Variants in NCK1 observed in about 807,000 individuals in gnomAD.
The protein encoded by NCK1 is NCK adaptor protein 1, also known as SH2/SH3 adapter protein NCK1.
NCK1 carries 19 observed loss-of-function variants against 36.6 expected under a neutral mutation model. The ratio of observed to expected loss-of-function variants is 0.52; its 90% CI spans 0.36 to 0.76. The LOEUF (loss-of-function observed/expected upper bound fraction) is 0.76, where lower values mean the gene tolerates loss of function less well. NCK1 is among the 30% of genes least tolerant of loss of function. The pLI, the probability that NCK1 is intolerant of heterozygous loss-of-function variation, is 0.00. For synonymous variants in NCK1, 165 were observed against 156.0 expected (o/e 1.06, Z -0.43); for missense variants, 358 against 445.6 (o/e 0.80, Z 1.77).
intron 2 of NCK1, among the ~76,000 whole-genome samples, chr3:136,935,704 A>T (rs1449295868): frequency 6.6e-6 from 1 of 152,202 alleles, no homozygotes; most frequent in South Asian, 2.1e-4. Flanking sequence ...ACTCTTAAAA[A>T]TTTTTTTATG....
chr3:136,893,785 G>A (rs1346493702), intron 1 of NCK1, among the ~76,000 whole-genome samples: 2 of 152,186 alleles, frequency 1.3e-5, no homozygotes, highest in African/African-American at 4.8e-5. Context: ...AGAAGGGTTA[G>A]TGATATAAGC....
At chr3:136,946,395 C>A in intron 3 of NCK1, 100 bp downstream of exon 3, 2 of 1,003,564 alleles carry the variant, frequency 2.0e-6, no homozygotes, top group Non-Finnish European at 2.9e-6. Context: ...TAAAGTTAAC[C>A]AGGTAACAAG....
rs976892855 is a variant in NCK1, at chr3:136,950,575, G to C, written c.*2122G>C. On this transcript the variant is annotated 3_prime_UTR_variant, in exon 4 of 4. Coordinates refer to ENST00000481752, the MANE Select transcript of NCK1 (RefSeq NM_001291999.2). ...AAGTCTTAATCCAATGCTTATACCA[G>C]TGACTGTTTTTATAATACTTGAAGT... 6.6e-6 allele frequency among the ~76,000 whole-genome samples: 1 copy of C among 152,136 alleles called. No homozygotes were observed. Among genetic ancestry groups the C allele is most frequent in the African/African-American group, 2.4e-5 (1 of 41,432 alleles).
chr3:136,945,664 G>T lies in NCK1; in HGVS notation c.308G>T (p.Arg103Leu). 6.2e-7 allele frequency: 1 copy of T among 1,614,100 alleles called. No homozygotes were observed. Among genetic ancestry groups the T allele is most frequent in the Non-Finnish European group, 8.5e-7 (1 of 1,179,982 alleles). Residue 103 changes from arginine to leucine, a missense_variant, in exon 3 of 4, where the codon CGT (arginine) becomes CTT (leucine). Arg to Leu is a moderately radical substitution (Grantham distance 102, BLOSUM62 -2). Around this residue, in one of 3 missense-constraint regions of NCK1, gnomAD observed 143 missense variants for 162.4 expected, o/e 0.88. Transcript: ENST00000481752. ...GATAGTTTTGTTGACCCAGGGGAAC[G>T]TCTCTATGACCTCAACATGCCCGCT... ...ADDSFVDPGERLYDLNMPAYV... is the reference protein window; with the variant it reads ...ADDSFVDPGELLYDLNMPAYV...
At chr3:136,932,879 G>A (rs2108135760) in intron 2 of NCK1, among the ~76,000 whole-genome samples, 1 of 152,266 alleles carries the variant, frequency 6.6e-6, no homozygotes, top group East Asian at 1.9e-4. Context: ...ACTTTCTTTG[G>A]CCCCATTCTC....
intron 2 of NCK1, among the ~76,000 whole-genome samples, chr3:136,933,484 T>C (rs1940445307): frequency 6.6e-6 from 1 of 152,198 alleles, no homozygotes; most frequent in South Asian, 2.1e-4. Flanking sequence ...AATGCATTGT[T>C]CTGGTTAAGA....
intron 1 of NCK1, among the ~76,000 whole-genome samples, chr3:136,906,632 C>T (rs1256555762): frequency 6.6e-6 from 1 of 152,096 alleles, no homozygotes; most frequent in Non-Finnish European, 1.5e-5. Context: ...GTTTTTAAAC[C>T]TCTGTGCAGT....
chr3:136,928,899 A>T (rs1455435557), intron 2 of NCK1, among the ~76,000 whole-genome samples: 1 of 150,262 alleles, frequency 6.7e-6, no homozygotes, highest in African/African-American at 2.4e-5. Context: ...AACTCTCCTT[A>T]GCTGACAGGA....
At chr3:136,903,811 T>G (rs1303610613) in intron 1 of NCK1, among the ~76,000 whole-genome samples, 1 of 152,232 alleles carries the variant, frequency 6.6e-6, no homozygotes, top group East Asian at 1.9e-4. Flanking sequence ...TCTGTCATTT[T>G]ATTAACTGAT....
intron 2 of NCK1, among the ~76,000 whole-genome samples, chr3:136,943,362 C>T (rs1940726191): frequency 1.3e-5 from 2 of 152,250 alleles, no homozygotes; most frequent in South Asian, 4.2e-4. Context: ...GGGGTATAGA[C>T]TGGATTATTT....
At chr3:136,946,342 T>A (rs749247395) in intron 3 of NCK1, 47 bp downstream of exon 3, 38 of 1,472,702 alleles carry the variant, frequency 2.6e-5, no homozygotes, top group East Asian at 4.6e-5. Flanking sequence ...CTGGGTATTT[T>A]AAAAAAAAGA....
At chr3:136,885,755 G>A (rs968947567) in intron 1 of NCK1, among the ~76,000 whole-genome samples, 2 of 152,158 alleles carry the variant, frequency 1.3e-5, no homozygotes, top group African/African-American at 4.8e-5. Flanking sequence ...TATTTCTGAA[G>A]TGAAATACAG....
intron 2 of NCK1, among the ~76,000 whole-genome samples, chr3:136,936,874 AC>A (rs1407024154): frequency 1.3e-5 from 2 of 152,112 alleles, no homozygotes; most frequent in African/African-American, 4.8e-5. Flanking sequence ...TGGATACTAG[AC>A]CCTTATCAGA....
chr3:136,874,190 T>A (rs868249398), intron 1 of NCK1, among the ~76,000 whole-genome samples: 4 of 152,334 alleles, frequency 2.6e-5, no homozygotes, highest in Middle Eastern at 6.8e-3. Flanking sequence ...TTTATACTTT[T>A]TTTGAGATAG....
At position 136,948,170 on chromosome 3, in the gene NCK1, G is replaced by T. The variant is rs184348845; in HGVS notation, c.940-89G>T. ...CCATGGTGCCTAGGACTTAGTAAGT[G>T]CTTAGATTTTAGCTTTTAGTTTAAT... On this transcript the variant is annotated intron_variant, in intron 3 of 3. Transcript: ENST00000481752. 8.0e-5 allele frequency: 81 copies of T among 1,014,358 alleles called. No homozygotes were observed. In the Middle Eastern group the frequency reaches 1.6e-3, roughly 21 times the overall value. 62.8% of individuals were successfully genotyped at this position (1,014,358 alleles called of 1,614,324 possible). A position where few individuals can be genotyped will look rare whatever the true frequency, so the allele number is the denominator to read the frequency against.
At chr3:136,871,401 AAAAC>A (rs955474917) in intron 1 of NCK1, among the ~76,000 whole-genome samples, 3 of 152,036 alleles carry the variant, frequency 2.0e-5, no homozygotes, top group African/African-American at 7.3e-5. Flanking sequence ...CTGTCTAAAA[AAAAC>A]AAAATTAAAA....
chr3:136,928,203 G>A lies in NCK1; in HGVS notation c.202G>A (p.Val68Met). The change falls in exon 2 of 4, where the codon GTG becomes ATG. Residue 68 changes from valine (V) to methionine (M), a missense_variant. Val to Met is a conservative substitution (Grantham distance 21). This residue lies in a region of NCK1 where 143 missense variants were observed against 162.4 expected (regional missense o/e 0.88). Transcript: ENST00000481752. ...AAACAGTGCTCGGAAAGCATCTATT[G>A]TGAAAAACCTAAAGGATACCTTAGG... ...RKNSARKASI[V>M]KNLKDTLGIG... 1 of 1,613,326 alleles carries A rather than the reference G, an allele frequency of 6.2e-7. No individual in the cohort carries two copies. The highest frequency in any genetic ancestry group is 8.5e-7 in the Non-Finnish European group (1 of 1,179,850).
rs1054849774 is a variant in NCK1, at chr3:136,950,138, A to G, written c.*1685A>G. ...AATCAAATGAATATAAATTGAGGAA[A>G]ACTTTAAATTGTTGTAGGATGACTA... On this transcript the variant is annotated 3_prime_UTR_variant, in exon 4 of 4. Transcript: ENST00000481752. 6.6e-6 allele frequency among the ~76,000 whole-genome samples: 1 copy of G among 152,102 alleles called. No homozygotes were observed. Among genetic ancestry groups the G allele is most frequent in the African/African-American group, 2.4e-5 (1 of 41,450 alleles).
At chr3:136,876,501 A>G (rs1217923531) in intron 1 of NCK1, among the ~76,000 whole-genome samples, 2 of 152,138 alleles carry the variant, frequency 1.3e-5, no homozygotes, top group Non-Finnish European at 2.9e-5. Flanking sequence ...ACAAACTACC[A>G]TACTTTGTTT....
Sources: gnomAD v4.1 joint callset for allele counts (sites outside exome capture counted in the v4.1 genomes callset) on GRCh38, gnomAD v4.1.1 for gene constraint, gnomAD v4.1.1 regional missense constraint, MANE v1.5 for transcripts, NCBI Gene and HGNC (gene_info 2026-07-23, HGNC 2026-07-21) for gene names.